The following SIK3 variants were observed in gnomAD, a reference collection of about 807,000 sequenced individuals.
SIK3 encodes the protein serine/threonine-protein kinase SIK3.
In SIK3, 28 loss-of-function variants were observed where a neutral mutation model predicts 144.2. The observed-to-expected ratio is 0.19, with a 90% CI of 0.14 to 0.27. SIK3 has a LOEUF of 0.27. SIK3 is among the 10% of genes least tolerant of loss of function. The pLI is 1.00. For synonymous variants in SIK3, 686 were observed against 676.3 expected, an observed-to-expected ratio of 1.01 and a Z score of -0.22; for missense variants, 1,319 against 1,776.0, an observed-to-expected ratio of 0.74 and a Z score of 4.62.
intron 21 of SIK3, among the ~76,000 whole-genome samples, chr11:116,852,695 A>C (rs1942563992): frequency 6.6e-6 from 1 of 152,170 alleles, no homozygotes; most frequent in Non-Finnish European, 1.5e-5. Flanking sequence ...GAGTCAGCTG[A>C]CAAAAACAAA....
chr11:116,958,413 T>C (rs7938466), intron 1 of SIK3, among the ~76,000 whole-genome samples: 11,157 of 152,224 alleles, frequency 0.073, 735 homozygotes, highest in African/African-American at 0.18. Context: ...ATTCAAGCCA[T>C]GCCTAACGAG....
intron 6 of SIK3, among the ~76,000 whole-genome samples, chr11:116,880,120 C>T (rs2134602835): frequency 6.6e-6 from 1 of 152,128 alleles, no homozygotes; most frequent in East Asian, 1.9e-4. Flanking sequence ...AGATTTTTTC[C>T]AAGGCAATTT....
At position 116,859,624 on chromosome 11, in the gene SIK3, A is replaced by G. The variant is rs75419894; in HGVS notation, c.2426-20T>C. The G allele has an allele frequency of 6.2e-7, 1 of 1,604,256 alleles. No homozygotes were observed. The highest frequency in any genetic ancestry group is 1.3e-5 in the African/African-American group (1 of 74,632). On this transcript the variant is annotated intron_variant, in intron 19 of 24. Coordinates refer to ENST00000445177, the MANE Select transcript of SIK3 (RefSeq NM_001366686.3). The stretch of plus-strand genomic sequence containing the variant: ...CAGCCCCTGGAGAGAAAGGAACCTC[A>G]GAGTGACCAAGTGCCCAGGCCACCA...
intron 1 of SIK3, among the ~76,000 whole-genome samples, chr11:117,090,386 GA>G (rs541351351): frequency 0.032 from 4,009 of 126,744 alleles, 91 homozygotes; most frequent in South Asian, 0.13. Context: ...TTAGGATAAT[GA>G]AAAAAAAAAA....
rs1416915220 is a variant in SIK3, at chr11:117,013,914, G to GT, written c.274-56851_274-56850insA. ...CCAGATTCTGAGGGGGGGGGGGGGA[G>GT]GGTGTGTGTGTGTGTGTGTGTGTGT... On this transcript the variant is annotated intron_variant, in intron 1 of 24. Transcript: ENST00000445177. Among the ~76,000 whole-genome samples the GT allele has an allele frequency of 3.8e-4, 27 of 71,264 alleles. 1 individual carries two copies. The highest frequency in any genetic ancestry group is 1.3e-3 in the African/African-American group (22 of 17,456). 46.8% of individuals were successfully genotyped at this position (71,264 alleles called of 152,430 possible).
chr11:117,033,253 T>C (rs931880187), intron 1 of SIK3, among the ~76,000 whole-genome samples: 2 of 152,218 alleles, frequency 1.3e-5, no homozygotes, highest in African/African-American at 4.8e-5. Context: ...ACAGCGTGAC[T>C]GCCTATCAGT....
At chr11:117,091,094 T>A (rs954589718) in intron 1 of SIK3, among the ~76,000 whole-genome samples, 1 of 150,964 alleles carries the variant, frequency 6.6e-6, no homozygotes, top group Non-Finnish European at 1.5e-5. Context: ...TAACTACCTA[T>A]AAGACTCCGG....
chr11:116,898,832 T>C (rs1242392909), intron 4 of SIK3, among the ~76,000 whole-genome samples: 2 of 151,982 alleles, frequency 1.3e-5, no homozygotes, highest in African/African-American at 4.8e-5. Flanking sequence ...GTTTTTTTCT[T>C]GTAAATTTGT....
rs562905260 is a variant in SIK3 at position 116,978,867 on chromosome 11, G to A, written c.274-21803C>T. 7.2e-5 allele frequency among the ~76,000 whole-genome samples: 11 copies of A among 152,138 alleles called. No homozygotes were observed. The South Asian group carries it at 2.1e-3, about 29-fold the overall frequency. On this transcript the variant is annotated intron_variant, in intron 1 of 24. Transcript: ENST00000445177. ...CCACTATTTTGGAATATTCCTCTAC[G>A]AAGATGCATGTAGTGGCACTTAAAT...
chr11:116,984,353 A>C (rs909433622), intron 1 of SIK3, among the ~76,000 whole-genome samples: 2 of 152,202 alleles, frequency 1.3e-5, no homozygotes, highest in Admixed American at 6.5e-5. Flanking sequence ...ATGACCTTTT[A>C]GCTCAGCCTA....
chr11:117,028,397 C>A (rs558008747), intron 1 of SIK3, among the ~76,000 whole-genome samples: 1 of 151,976 alleles, frequency 6.6e-6, no homozygotes, highest in East Asian at 1.9e-4. Context: ...CTGCTCTAGG[C>A]GGTAGAAAGC....
At chr11:116,859,679 A>C in intron 19 of SIK3, 75 bp from the exon 20 acceptor site, 1 of 1,279,914 alleles carries the variant, frequency 7.8e-7, no homozygotes, top group Non-Finnish European at 1.1e-6. Context: ...AGCTAATGAG[A>C]ATACTCAGAC....
Position 116,870,384 on chromosome 11 carries a change from G to T in SIK3, c.1755C>A (p.Thr585=). 1 of 1,612,448 alleles carries T rather than the reference G, an allele frequency of 6.2e-7. No individual in the cohort carries two copies. Among genetic ancestry groups the T allele is most frequent in the Non-Finnish European group, 8.5e-7 (1 of 1,180,002 alleles). The change falls in exon 14 of 25, where the codon ACC becomes ACA. Residue 585 remains threonine (T), a synonymous_variant. Transcript: ENST00000445177. The part of the protein sequence containing the change: ...VTMTPAVPAV[T]PVDEESSDGE... ...CGTCTGAGCTCTCCTCGTCCACAGG[G>T]GTAACTGCTGGCACTGCCTGAAGAG...
At chr11:116,996,145 T>C (rs1950657970) in intron 1 of SIK3, among the ~76,000 whole-genome samples, 2 of 152,020 alleles carry the variant, frequency 1.3e-5, no homozygotes, top group Admixed American at 1.3e-4. Context: ...CTGTCTCTAC[T>C]AAAAATACAA....
chr11:117,095,099 C>T lies in SIK3; in HGVS notation c.273+3044G>A, dbSNP rs551470186. On this transcript the variant is annotated intron_variant, in intron 1 of 24. Coordinates refer to ENST00000445177, the MANE Select transcript of SIK3 (RefSeq NM_001366686.3). ...TTAACAGAATTTGGGAAAGGGCCAG[C>T]TTAACCACGCAGTATTGGATGGAGT... is the stretch of plus-strand genomic sequence containing the variant. Among the ~76,000 whole-genome samples, 112 of 150,774 alleles carry T rather than the reference C, an allele frequency of 7.4e-4. 1 individual carries two copies. The highest frequency in any genetic ancestry group is 3.4e-3 in the Middle Eastern group (1 of 290).
chr11:116,918,470 C>T (rs1946787599), intron 4 of SIK3, among the ~76,000 whole-genome samples: 1 of 151,888 alleles, frequency 6.6e-6, no homozygotes. Context: ...CTATTCCCAA[C>T]CTCTCATTCC....
At chr11:117,012,089 C>T (rs1000027050) in intron 1 of SIK3, among the ~76,000 whole-genome samples, 30 of 112,064 alleles carry the variant, frequency 2.7e-4, no homozygotes, top group Admixed American at 2.3e-3. Flanking sequence ...AGTGATCCTC[C>T]CAGCCTCCCA....
rs200161187 is a variant in SIK3, at chr11:116,862,986, AT to A, written c.2104-660del. On this transcript the variant is annotated intron_variant, in intron 16 of 24. Coordinates refer to ENST00000445177, the MANE Select transcript of SIK3 (RefSeq NM_001366686.3). ...CTACCCAGGATGCTGAGGCAGGAGA[AT>A]CTCTAGAACCCAGGAGGCGGACGAT... Among the ~76,000 whole-genome samples the A allele has an allele frequency of 3.4e-4, 52 of 152,178 alleles. 1 individual carries two copies. The East Asian group carries it at 9.9e-3, about 29-fold the overall frequency.
chr11:117,072,095 A>C (rs1275366711), intron 1 of SIK3, among the ~76,000 whole-genome samples: 1 of 152,124 alleles, frequency 6.6e-6, no homozygotes, highest in African/African-American at 2.4e-5. Context: ...TACTAAAATG[A>C]CTATATCCAC....
Sources: allele counts gnomAD v4.1 joint callset (sites outside exome capture counted in the v4.1 genomes callset), GRCh38; gene constraint gnomAD v4.1.1; transcripts MANE v1.5; gene names NCBI Gene and HGNC (gene_info 2026-07-23, HGNC 2026-07-21).